Variants in NEK10 observed in about 807,000 individuals in gnomAD.
NEK10 encodes NIMA related kinase 10, also known as serine/threonine-protein kinase Nek10.
In NEK10, 122 loss-of-function variants were observed where a neutral mutation model predicts 159.8. The ratio of observed to expected loss-of-function variants is 0.76; its 90% CI spans 0.66 to 0.89. The LOEUF (loss-of-function observed/expected upper bound fraction) is 0.89. Ranked by LOEUF, NEK10 falls within the 40% of genes least tolerant of loss-of-function variation. The probability of loss-of-function intolerance (pLI) is 0.00; values close to 1 mark genes in which losing one functional copy is unlikely to be tolerated. For missense variants in NEK10, 1,342 were observed against 1,323.1 expected (o/e 1.01, Z -0.22); for synonymous variants, 466 against 457.1 (o/e 1.02, Z -0.25).
chr3:27,189,415 A>C (rs1182180848), intron 26 of NEK10, among the ~76,000 whole-genome samples: 1 of 152,024 alleles, frequency 6.6e-6, no homozygotes, highest in African/African-American at 2.4e-5. Flanking sequence ...GGATCCCCTT[A>C]TTGATATTGG....
At chr3:27,241,439 G>A (rs538231501) in intron 23 of NEK10, among the ~76,000 whole-genome samples, 3 of 152,280 alleles carry the variant, frequency 2.0e-5, no homozygotes, top group African/African-American at 7.2e-5. Context: ...GCAACATGAT[G>A]AGCCTGAAGT....
chr3:27,187,628 C>G (rs553091524), intron 26 of NEK10, among the ~76,000 whole-genome samples: 46 of 151,934 alleles, frequency 3.0e-4, no homozygotes, highest in Non-Finnish European at 3.8e-4. Context: ...ATGGAAAACA[C>G]TGGGGGGTAA....
At chr3:27,232,337 T>C (rs1553691965) in intron 23 of NEK10, among the ~76,000 whole-genome samples, 1 of 151,500 alleles carries the variant, frequency 6.6e-6, no homozygotes, top group Non-Finnish European at 1.5e-5. Context: ...AATAAAATAC[T>C]TAGGAATATA....
chr3:27,202,695 CA>C, intron 23 of NEK10, 138 bp from the exon 24 acceptor site: 1 of 1,186,278 alleles, frequency 8.4e-7, no homozygotes. Context: ...GAAAGGATAT[CA>C]AAAAGTCTGT....
At chr3:27,237,932 G>A (rs4586769) in intron 23 of NEK10, among the ~76,000 whole-genome samples, 36,934 of 151,990 alleles carry the variant, frequency 0.24, 4,771 homozygotes, top group Middle Eastern at 0.38. Context: ...CATGCTTTCC[G>A]CACCCTCAAG....
At chr3:27,356,358 A>G (rs577859384) in intron 1 of NEK10, among the ~76,000 whole-genome samples, 1 of 152,238 alleles carries the variant, frequency 6.6e-6, no homozygotes, top group Non-Finnish European at 1.5e-5. Flanking sequence ...CAAAAAATTT[A>G]AAAATAAGCC....
At chr3:27,216,070 C>G (rs557045420) in intron 23 of NEK10, among the ~76,000 whole-genome samples, 54 of 152,266 alleles carry the variant, frequency 3.5e-4, no homozygotes, top group African/African-American at 1.2e-3. Context: ...TGTACCAACA[C>G]TAAAGTTTCA....
chr3:27,298,546 C>G (rs1195746656), intron 13 of NEK10, among the ~76,000 whole-genome samples: 1 of 152,044 alleles, frequency 6.6e-6, no homozygotes, highest in African/African-American at 2.4e-5. Flanking sequence ...TCGGGCTTTG[C>G]TGAAAAGATA....
At chr3:27,301,652 C>A (rs1474760915) in intron 13 of NEK10, 44 bp downstream of exon 13, 1 of 1,390,402 alleles carries the variant, frequency 7.2e-7, no homozygotes, top group Non-Finnish European at 1.0e-6. Flanking sequence ...AATAATAATA[C>A]AACACAATAA....
chr3:27,126,689 A>C (rs1331186354), intron 32 of NEK10, among the ~76,000 whole-genome samples: 1 of 151,944 alleles, frequency 6.6e-6, no homozygotes. Context: ...AAACAATAAA[A>C]TGTGAGAAAC....
intron 23 of NEK10, among the ~76,000 whole-genome samples, chr3:27,216,662 A>ACCCAGCCAATATCCCCAGGTAAGCT (rs1476012679): frequency 3.3e-5 from 5 of 152,156 alleles, no homozygotes; most frequent in African/African-American, 4.8e-5. Flanking sequence ...TAAACCAAGA[A>ACCCAGCCAATATCCCCAGGTAAGCT]CCCAGCCAAT....
rs531544410 is a variant in NEK10 at position 27,121,811 on chromosome 3, C to T, written c.3082-1943G>A. Among the ~76,000 whole-genome samples the T allele has an allele frequency of 5.3e-5, 8 of 151,924 alleles. No homozygotes were observed. The South Asian group carries it at 1.0e-3, about 20-fold the overall frequency. On this transcript the variant is annotated intron_variant, in intron 32 of 35. Coordinates refer to ENST00000691995, the MANE Select transcript of NEK10 (RefSeq NM_001394966.1). ...ATTGTGGCAGGAGATGTAATGTGGC[C>T]GTACAAAGGGGTCTTCTGCAGAGCT...
At chr3:27,119,326 C>T (rs905843949) in intron 33 of NEK10, among the ~76,000 whole-genome samples, 1 of 152,080 alleles carries the variant, frequency 6.6e-6, no homozygotes, top group African/African-American at 2.4e-5. Context: ...TACTGCCTCC[C>T]TATGTGAATT....
intron 5 of NEK10, among the ~76,000 whole-genome samples, chr3:27,327,530 G>A (rs181555834): frequency 7.9e-5 from 12 of 152,234 alleles, no homozygotes; most frequent in East Asian, 3.9e-4. Context: ...GAAAAGCACC[G>A]GAGACACATT....
rs549381287 is a variant in NEK10 at position 27,351,258 on chromosome 3, T to G, written c.132+1207A>C. On this transcript the variant is annotated intron_variant, in intron 3 of 35. Coordinates refer to ENST00000691995, the MANE Select transcript of NEK10 (RefSeq NM_001394966.1). ...TTGATATTATGGTTACATCACAGGA[T>G]GTACAGTGGGAAAGAATGGGCACTA... is the stretch of plus-strand genomic sequence containing the variant. 7.9e-5 allele frequency among the ~76,000 whole-genome samples: 12 copies of G among 152,250 alleles called. No homozygotes were observed. In the East Asian group the frequency reaches 1.9e-3, roughly 24 times the overall value.
intron 19 of NEK10, among the ~76,000 whole-genome samples, chr3:27,288,300 T>G (rs2149479044): frequency 6.6e-6 from 1 of 152,352 alleles, no homozygotes; most frequent in South Asian, 2.1e-4. Flanking sequence ...GACTTCCTAC[T>G]TAACCAAGCT....
At chr3:27,333,008 A>T (rs190704886) in intron 5 of NEK10, among the ~76,000 whole-genome samples, 69 of 152,326 alleles carry the variant, frequency 4.5e-4, no homozygotes, top group African/African-American at 1.6e-3. Flanking sequence ...CTCCACTAAG[A>T]AGAACCAATA....
intron 5 of NEK10, among the ~76,000 whole-genome samples, chr3:27,325,196 C>T (rs2045923739): frequency 3.9e-5 from 6 of 152,198 alleles, no homozygotes; most frequent in Admixed American, 3.3e-4. Context: ...CACTGCCCTT[C>T]AAGCTAGTTC....
At chr3:27,138,304 C>A (rs6778395) in intron 31 of NEK10, among the ~76,000 whole-genome samples, 28,108 of 152,124 alleles carry the variant, frequency 0.18, 2,777 homozygotes, top group African/African-American at 0.25. Context: ...CCAGTAAGTT[C>A]CAGGGCACAG....
Sources: allele counts gnomAD v4.1 joint callset (sites outside exome capture counted in the v4.1 genomes callset), GRCh38; gene constraint gnomAD v4.1.1; transcripts MANE v1.5; gene names NCBI Gene and HGNC (gene_info 2026-07-23, HGNC 2026-07-21).